FHIP1A: variants seen among roughly 807,000 people sequenced by gnomAD.
The protein encoded by FHIP1A is FHF complex subunit HOOK-interacting protein 1A.
In FHIP1A, 61 loss-of-function variants were observed where a neutral mutation model predicts 88.6. The observed-to-expected ratio is 0.69, with a 90% confidence interval of 0.56 to 0.85. The LOEUF (loss-of-function observed/expected upper bound fraction) is 0.85. Ranked by LOEUF, FHIP1A falls within the 40% of genes least tolerant of loss-of-function variation. FHIP1A has a pLI of 0.00. For synonymous variants in FHIP1A, 478 were observed against 496.0 expected, an observed-to-expected ratio of 0.96 and a Z score of 0.48; for missense variants, 1,154 against 1,273.5, an observed-to-expected ratio of 0.91 and a Z score of 1.43.
intron 9 of FHIP1A, among the ~76,000 whole-genome samples, chr4:151,646,300 A>C (rs554230872): frequency 6.6e-6 from 1 of 152,320 alleles, no homozygotes; most frequent in South Asian, 2.1e-4. Flanking sequence ...ATGGAGTTTG[A>C]AGAGGGATCG....
At chr4:151,654,569 G>A (rs1193698721) in intron 11 of FHIP1A, among the ~76,000 whole-genome samples, 1 of 152,218 alleles carries the variant, frequency 6.6e-6, no homozygotes, top group Non-Finnish European at 1.5e-5. Context: ...TGCTAAGCCA[G>A]GGACTGCGGG....
chr4:151,610,531 T>G (rs1409434901), intron 7 of FHIP1A, among the ~76,000 whole-genome samples: 1 of 151,614 alleles, frequency 6.6e-6, no homozygotes, highest in South Asian at 2.1e-4. Context: ...CATTTGAATC[T>G]TTTCCTAGGC....
intron 7 of FHIP1A, among the ~76,000 whole-genome samples, chr4:151,613,230 C>T (rs1287796654): frequency 6.6e-6 from 1 of 152,188 alleles, no homozygotes; most frequent in African/African-American, 2.4e-5. Flanking sequence ...CTGGGAAACC[C>T]GCTAGTGCTC....
intron 1 of FHIP1A, among the ~76,000 whole-genome samples, chr4:151,411,707 A>G (rs1732653994): frequency 6.6e-6 from 1 of 152,188 alleles, no homozygotes; most frequent in South Asian, 2.1e-4. Flanking sequence ...CCATGCAAAT[A>G]TAAAGCAAAA....
intron 1 of FHIP1A, among the ~76,000 whole-genome samples, chr4:151,414,511 C>T (rs1732811499): frequency 6.6e-6 from 1 of 152,160 alleles, no homozygotes; most frequent in Non-Finnish European, 1.5e-5. Flanking sequence ...ATTACTTTTA[C>T]TTAGAAGTAG....
chr4:151,592,317 G>A (rs963999667), intron 7 of FHIP1A, among the ~76,000 whole-genome samples: 1 of 152,058 alleles, frequency 6.6e-6, no homozygotes, highest in Non-Finnish European at 1.5e-5. Flanking sequence ...TGTATTTTTA[G>A]TAGAGATGGG....
intron 7 of FHIP1A, among the ~76,000 whole-genome samples, chr4:151,609,847 C>T (rs1735229731): frequency 1.3e-5 from 2 of 152,096 alleles, no homozygotes; most frequent in South Asian, 4.2e-4. Context: ...TATCTTGAGG[C>T]ACCCCATCAC....
chr4:151,491,737 G>C (rs1345458670), intron 3 of FHIP1A, among the ~76,000 whole-genome samples: 1 of 152,172 alleles, frequency 6.6e-6, no homozygotes, highest in African/African-American at 2.4e-5. Context: ...AGTATCTGCT[G>C]TCTTCAAGAG....
chr4:151,534,760 G>T (rs186188384), intron 3 of FHIP1A: 8 of 152,312 alleles, frequency 5.3e-5, no homozygotes, highest in Admixed American at 5.2e-4. Flanking sequence ...AGTGAGCATG[G>T]AGAAAATGGA....
chr4:151,516,611 A>C (rs955216920), intron 3 of FHIP1A, among the ~76,000 whole-genome samples: 34 of 152,202 alleles, frequency 2.2e-4, no homozygotes, highest in African/African-American at 8.0e-4. Context: ...ACAAGAAAAA[A>C]ACAAACAACC....
intron 1 of FHIP1A, among the ~76,000 whole-genome samples, chr4:151,445,283 G>C (rs2126568230): frequency 6.6e-6 from 1 of 152,242 alleles, no homozygotes; most frequent in African/African-American, 2.4e-5. Context: ...CTCAGTCTTG[G>C]TGGAGTTTGG....
intron 1 of FHIP1A, among the ~76,000 whole-genome samples, chr4:151,422,300 C>A (rs2126523361): frequency 6.6e-6 from 1 of 151,760 alleles, no homozygotes; most frequent in East Asian, 1.9e-4. Context: ...GGCTATATAT[C>A]CCAATACATA....
Position 151,650,441 on chromosome 4 carries a change from G to C in FHIP1A, c.2400G>C (p.Gly800=). Residue 800 remains glycine (G), a synonymous_variant, in exon 11 of 14, where the codon GGG becomes GGC. Transcript: ENST00000435205. ...EESKGEKEKE[G]KKELEDEEDD... Reference sequence around the variant, plus strand: ...GTAAAGGAGAAAAGGAGAAGGAGGGGAAGAAGGAGCTAGAAGATGAGGAGG... The same window carrying C: ...GTAAAGGAGAAAAGGAGAAGGAGGGCAAGAAGGAGCTAGAAGATGAGGAGG... The C allele has an allele frequency of 6.4e-7, 1 of 1,551,652 alleles. No individual in the cohort carries two copies. The highest frequency in any genetic ancestry group is 8.7e-7 in the Non-Finnish European group (1 of 1,146,916).
chr4:151,663,700 G>A lies in FHIP1A; in HGVS notation c.*946G>A, dbSNP rs1737558939. On this transcript the variant is annotated 3_prime_UTR_variant, in exon 14 of 14. Coordinates refer to ENST00000435205, the MANE Select transcript of FHIP1A (RefSeq NM_001109977.3). The stretch of plus-strand genomic sequence containing the variant: ...GGTGGGATGGGGAGATAAACTAAAT[G>A]CAGCCTGTAAAAACACTGATCATTA... 1.3e-5 allele frequency: 2 copies of A among 152,164 alleles called. No homozygotes were observed. Among genetic ancestry groups the A allele is most frequent in the South Asian group, 4.2e-4 (2 of 4,818 alleles). The allele number at this position is 152,164 out of a possible 1,614,324, so 9.4% of individuals were successfully genotyped here.
At chr4:151,415,017 T>A (rs931363670) in intron 1 of FHIP1A, among the ~76,000 whole-genome samples, 11 of 152,170 alleles carry the variant, frequency 7.2e-5, no homozygotes, top group African/African-American at 2.7e-4. Flanking sequence ...ATTAACGTGG[T>A]TGTTAATAAC....
In FHIP1A at chr4:151,662,482, G is replaced by T. The variant is rs1234081510; in HGVS notation, c.2870-19G>T. The T allele has an allele frequency of 1.3e-6, 2 of 1,508,030 alleles. No homozygotes were observed. Among genetic ancestry groups the T allele is most frequent in the Non-Finnish European group, 1.8e-6 (2 of 1,122,832 alleles). The allele number at this position is 1,508,030 out of a possible 1,614,324, so 93.4% of individuals were successfully genotyped here. On this transcript the variant is annotated intron_variant, in intron 13 of 13. Coordinates refer to ENST00000435205, the MANE Select transcript of FHIP1A (RefSeq NM_001109977.3). ...AAGGCTATGGAGGGACACCATGATGGTTTTCTTTCTGCTTTCAGATCCCAT... is the reference window on the plus strand; with the variant it reads ...AAGGCTATGGAGGGACACCATGATGTTTTTCTTTCTGCTTTCAGATCCCAT...
intron 1 of FHIP1A, among the ~76,000 whole-genome samples, chr4:151,431,172 C>T (rs1010618536): frequency 6.6e-6 from 1 of 152,110 alleles, no homozygotes; most frequent in African/African-American, 2.4e-5. Flanking sequence ...AAAGGCCTTT[C>T]AGTGTTTGTG....
intron 3 of FHIP1A, among the ~76,000 whole-genome samples, chr4:151,538,130 G>A (rs1732140599): frequency 6.6e-6 from 1 of 152,160 alleles, no homozygotes; most frequent in African/African-American, 2.4e-5. Context: ...GACCATAGTA[G>A]TAGTGGAGTA....
At chr4:151,586,580 T>G (rs1163194543) in intron 5 of FHIP1A, 61 bp from the exon 6 acceptor site, 60 of 1,358,864 alleles carry the variant, frequency 4.4e-5, no homozygotes, top group Non-Finnish European at 6.0e-5. Flanking sequence ...ACCTGTGAGC[T>G]GTTAATTGCA....
Sources: gnomAD v4.1 joint callset for allele counts (sites outside exome capture counted in the v4.1 genomes callset) on GRCh38, gnomAD v4.1.1 for gene constraint, MANE v1.5 for transcripts, NCBI Gene and HGNC (gene_info 2026-07-23, HGNC 2026-07-21) for gene names.